The following RAD51B variants were observed in gnomAD, a reference collection of about 807,000 sequenced individuals.
The protein encoded by RAD51B is RAD51 paralog B.
RAD51B carries 38 observed loss-of-function variants against 42.2 expected under a neutral mutation model. The observed-to-expected ratio is 0.90, with a 90% CI of 0.70 to 1.18. RAD51B has a LOEUF of 1.18. Ranked by LOEUF, RAD51B falls within the 50% of genes most tolerant of loss-of-function variation. The pLI, the probability that RAD51B is intolerant of heterozygous loss-of-function variation, is 0.00. For missense variants in RAD51B, 373 were observed against 400.7 expected, an observed-to-expected ratio of 0.93 and a Z score of 0.59; for synonymous variants, 154 against 145.2, an observed-to-expected ratio of 1.06 and a Z score of -0.43.
intron 8 of RAD51B, among the ~76,000 whole-genome samples, chr14:68,357,960 A>C (rs2082942898): frequency 6.6e-6 from 1 of 152,312 alleles, no homozygotes; most frequent in East Asian, 1.9e-4. Flanking sequence ...TTGTAGGGTT[A>C]ATTGGCCTAA....
At chr14:67,899,296 A>C (rs903584216) in intron 7 of RAD51B, among the ~76,000 whole-genome samples, 1 of 151,422 alleles carries the variant, frequency 6.6e-6, no homozygotes, top group African/African-American at 2.4e-5. Context: ...TGATCTGCCC[A>C]CCTTGGCCTC....
chr14:68,616,801 C>A (rs974153377), intron 10 of RAD51B, among the ~76,000 whole-genome samples: 15 of 151,658 alleles, frequency 9.9e-5, no homozygotes, highest in Non-Finnish European at 1.3e-4. Flanking sequence ...TTGAAGTCTT[C>A]TTCCTCTTGG....
At chr14:68,596,813 C>T (rs1891016444), downstream of RAD51B, among the ~76,000 whole-genome samples, 1 of 152,212 alleles carries the variant, frequency 6.6e-6, no homozygotes, top group Admixed American at 6.5e-5. Flanking sequence ...GCGAATGTTC[C>T]AGCTGTCCTG....
chr14:68,582,266 A>C (rs1890241737), intron 10 of RAD51B, among the ~76,000 whole-genome samples: 1 of 152,200 alleles, frequency 6.6e-6, no homozygotes, highest in Non-Finnish European at 1.5e-5. Context: ...CCATCTGACA[A>C]AGGGCTAATA....
intron 7 of RAD51B, among the ~76,000 whole-genome samples, chr14:68,122,521 A>C (rs1365136218): frequency 6.6e-6 from 1 of 152,214 alleles, no homozygotes; most frequent in Non-Finnish European, 1.5e-5. Flanking sequence ...ATATTATTGA[A>C]GATAAAGAAG....
At chr14:68,233,275 A>G (rs2080182227) in intron 7 of RAD51B, among the ~76,000 whole-genome samples, 1 of 152,244 alleles carries the variant, frequency 6.6e-6, no homozygotes, top group African/African-American at 2.4e-5. Context: ...TTAGTTAAGC[A>G]TGGTACTAAT....
chr14:68,072,560 C>G (rs1595360422), intron 7 of RAD51B, among the ~76,000 whole-genome samples: 2 of 152,222 alleles, frequency 1.3e-5, no homozygotes, highest in African/African-American at 4.8e-5. Flanking sequence ...CTTCCCCAGC[C>G]CTCTGACTCA....
At chr14:68,326,322 G>A (rs944651237) in intron 8 of RAD51B, among the ~76,000 whole-genome samples, 5 of 152,086 alleles carry the variant, frequency 3.3e-5, no homozygotes, top group African/African-American at 1.2e-4. Context: ...TTACAGGCAT[G>A]AGCCACCAAG....
intron 10 of RAD51B, among the ~76,000 whole-genome samples, chr14:68,635,335 C>A (rs980180134): frequency 3.9e-5 from 6 of 152,138 alleles, no homozygotes; most frequent in Non-Finnish European, 8.8e-5. Context: ...GTGGAGGGTG[C>A]TCTGTGTAAA....
intron 8 of RAD51B, among the ~76,000 whole-genome samples, chr14:68,347,133 C>T (rs1318910710): frequency 2.6e-5 from 4 of 152,156 alleles, no homozygotes; most frequent in Admixed American, 1.3e-4. Flanking sequence ...TGTTTGCTTT[C>T]GCTAGACTGA....
intron 10 of RAD51B, among the ~76,000 whole-genome samples, chr14:68,640,432 G>A (rs1025014521): frequency 9.9e-5 from 15 of 152,154 alleles, no homozygotes; most frequent in Middle Eastern, 3.2e-3. Context: ...ACTTCGTAAG[G>A]TGCTTAGCTC....
intron 4 of RAD51B, among the ~76,000 whole-genome samples, chr14:67,847,133 A>T (rs956624773): frequency 1.3e-5 from 2 of 151,982 alleles, no homozygotes; most frequent in Admixed American, 1.3e-4. Context: ...TCAGCCCAGC[A>T]TCTATATCCT....
At chr14:68,173,033 A>C (rs2140861875) in intron 7 of RAD51B, among the ~76,000 whole-genome samples, 1 of 152,292 alleles carries the variant, frequency 6.6e-6, no homozygotes, top group South Asian at 2.1e-4. Context: ...AGGCATTTTA[A>C]AGTTTATTGC....
intron 11 of RAD51B, among the ~76,000 whole-genome samples, chr14:68,652,653 A>G (rs1481418328): frequency 6.6e-6 from 1 of 152,148 alleles, no homozygotes; most frequent in East Asian, 1.9e-4. Flanking sequence ...CTTCCATTCA[A>G]TCACCTCCTG....
At chr14:67,942,839 A>G (rs2140185527) in intron 7 of RAD51B, among the ~76,000 whole-genome samples, 1 of 152,244 alleles carries the variant, frequency 6.6e-6, no homozygotes, top group Non-Finnish European at 1.5e-5. Context: ...TGATGTCTGA[A>G]TTTCTTTTTA....
At chr14:68,306,749 T>G in intron 8 of RAD51B, 1 of 414,646 alleles carries the variant, frequency 2.4e-6, no homozygotes, top group South Asian at 1.9e-5. Context: ...AAGATGAACT[T>G]GCATGGCCGA....
intron 11 of RAD51B, among the ~76,000 whole-genome samples, chr14:68,656,048 T>C (rs902188732): frequency 4.6e-5 from 7 of 152,150 alleles, no homozygotes; most frequent in African/African-American, 1.7e-4. Context: ...ATGGTCCAGG[T>C]GCTGGCTTTT....
chr14:68,416,832 G>A (rs1252515791), intron 9 of RAD51B, among the ~76,000 whole-genome samples: 1 of 152,142 alleles, frequency 6.6e-6, no homozygotes, highest in East Asian at 1.9e-4. Context: ...ACAGACCCAG[G>A]CTGAGGGAGA....
intron 7 of RAD51B, among the ~76,000 whole-genome samples, chr14:67,910,862 A>G (rs1262374863): frequency 6.7e-6 from 1 of 149,780 alleles, no homozygotes; most frequent in African/African-American, 2.5e-5. Context: ...CCCAGACTGT[A>G]GTGCAGTGGC....
Sources: gnomAD v4.1 joint callset for allele counts (sites outside exome capture counted in the v4.1 genomes callset) on GRCh38, gnomAD v4.1.1 for gene constraint, MANE v1.5 for transcripts, NCBI Gene and HGNC (gene_info 2026-07-23, HGNC 2026-07-21) for gene names.